The following LSAMP variants were observed in gnomAD, a reference collection of about 807,000 sequenced individuals.
LSAMP encodes limbic system associated membrane protein, also known as limbic system-associated membrane protein.
LSAMP carries 7 observed loss-of-function variants against 38.6 expected under a neutral mutation model. That is an observed-to-expected ratio of 0.18 (90% CI 0.10 to 0.34). LSAMP has a LOEUF of 0.34. Ranked by LOEUF, LSAMP falls within the 10% of genes least tolerant of loss-of-function variation. The pLI is 1.00. For missense variants in LSAMP, 313 were observed against 420.0 expected (o/e 0.75, Z 2.23); for synonymous variants, 154 against 166.8 (o/e 0.92, Z 0.59).
At chr3:116,146,483 G>C (rs748224295) in intron 1 of LSAMP, among the ~76,000 whole-genome samples, 1 of 151,856 alleles carries the variant, frequency 6.6e-6, no homozygotes, top group Admixed American at 6.6e-5. Flanking sequence ...TTGACAAAAA[G>C]CTCAATATGA....
intron 3 of LSAMP, among the ~76,000 whole-genome samples, chr3:115,912,522 A>T (rs999378990): frequency 6.6e-6 from 1 of 152,156 alleles, no homozygotes; most frequent in African/African-American, 2.4e-5. Flanking sequence ...AGGGGATATG[A>T]AAAGCTCAGC....
intron 3 of LSAMP, among the ~76,000 whole-genome samples, chr3:115,983,203 G>A (rs1939413758): frequency 3.9e-5 from 6 of 152,040 alleles, no homozygotes. Flanking sequence ...CATTTGACAT[G>A]GTATTTAGCC....
chr3:116,388,632 T>C (rs1405419572), intron 1 of LSAMP, among the ~76,000 whole-genome samples: 2 of 152,212 alleles, frequency 1.3e-5, no homozygotes, highest in African/African-American at 4.8e-5. Context: ...TTGGGGAAGA[T>C]TTGATTTTCA....
intron 3 of LSAMP, among the ~76,000 whole-genome samples, chr3:115,950,616 A>G (rs1938250919): frequency 6.6e-6 from 1 of 152,122 alleles, no homozygotes; most frequent in African/African-American, 2.4e-5. Flanking sequence ...ATGGAAATAT[A>G]TCCCATGTTC....
intron 2 of LSAMP, among the ~76,000 whole-genome samples, chr3:116,080,823 G>A (rs1185151862): frequency 3.6e-4 from 1 of 2,740 alleles, no homozygotes; most frequent in East Asian, 0.042. Flanking sequence ...TTCACACTAA[G>A]AACAAATCTA....
chr3:115,867,419 A>C (rs1935892473), intron 3 of LSAMP, among the ~76,000 whole-genome samples: 1 of 152,114 alleles, frequency 6.6e-6, no homozygotes, highest in South Asian at 2.1e-4. Context: ...TTCAAGATGA[A>C]AAAGTTAAGC....
At chr3:116,212,269 AG>A (rs2046167333) in intron 1 of LSAMP, among the ~76,000 whole-genome samples, 1 of 152,242 alleles carries the variant, frequency 6.6e-6, no homozygotes, top group South Asian at 2.1e-4. Flanking sequence ...CAAGTGATTC[AG>A]GAGTAATAAA....
At chr3:116,063,194 AT>A (rs2107360174) in intron 2 of LSAMP, among the ~76,000 whole-genome samples, 1 of 152,182 alleles carries the variant, frequency 6.6e-6, no homozygotes, top group African/African-American at 2.4e-5. Flanking sequence ...CTGGATATCT[AT>A]TTATGGTGTC....
chr3:116,008,773 A>G (rs1022298839), intron 3 of LSAMP, among the ~76,000 whole-genome samples: 1 of 152,112 alleles, frequency 6.6e-6, no homozygotes, highest in Non-Finnish European at 1.5e-5. Context: ...ATTGGTAGGA[A>G]CGTGGGGAAA....
At chr3:115,900,907 C>A (rs1337136953) in intron 3 of LSAMP, among the ~76,000 whole-genome samples, 3 of 152,142 alleles carry the variant, frequency 2.0e-5, no homozygotes, top group Admixed American at 6.6e-5. Context: ...GCAGCACAAA[C>A]AATTTTCTCA....
chr3:116,082,507 A>T (rs1434898266), intron 2 of LSAMP, among the ~76,000 whole-genome samples: 1 of 152,194 alleles, frequency 6.6e-6, no homozygotes, highest in Non-Finnish European at 1.5e-5. Flanking sequence ...AGTAAGCCAA[A>T]ATGTTGACTT....
intron 1 of LSAMP, among the ~76,000 whole-genome samples, chr3:116,394,792 GAC>G (rs1398089352): frequency 1.3e-5 from 2 of 152,152 alleles, no homozygotes; most frequent in African/African-American, 4.8e-5. Flanking sequence ...ATTGGTAGAA[GAC>G]ACAATCTCTC....
intron 3 of LSAMP, among the ~76,000 whole-genome samples, chr3:116,000,222 T>A (rs1396987484): frequency 2.0e-5 from 3 of 152,130 alleles, no homozygotes; most frequent in Admixed American, 2.0e-4. Context: ...ATTTATACAC[T>A]CCTTTGTAAG....
chr3:116,239,504 G>C (rs1307078724), intron 1 of LSAMP, among the ~76,000 whole-genome samples: 1 of 152,158 alleles, frequency 6.6e-6, no homozygotes, highest in South Asian at 2.1e-4. Context: ...GACAAAACAA[G>C]ATAGTATATT....
In LSAMP at chr3:115,851,220, T is replaced by G. The variant is rs183854276; in HGVS notation, c.649+1263A>C. Among the ~76,000 whole-genome samples, 886 of 152,238 alleles carry G rather than the reference T, an allele frequency of 5.8e-3. 6 individuals carry two copies. The highest frequency in any genetic ancestry group is 0.034 in the Middle Eastern group (10 of 294). ...AACTCCTGACCTCAGGTGATCCGCC[T>G]GTCTCAGCCTCCCCAAGTGCTGGGA... On this transcript the variant is annotated intron_variant, in intron 4 of 6. Transcript: ENST00000490035.
At chr3:115,907,940 C>T (rs1418270783) in intron 3 of LSAMP, among the ~76,000 whole-genome samples, 1 of 151,928 alleles carries the variant, frequency 6.6e-6, no homozygotes, top group Non-Finnish European at 1.5e-5. Flanking sequence ...GCAACATAGC[C>T]CCATCTCATG....
intron 3 of LSAMP, among the ~76,000 whole-genome samples, chr3:115,989,809 T>C (rs1260686534): frequency 1.3e-5 from 2 of 152,074 alleles, no homozygotes; most frequent in Non-Finnish European, 2.9e-5. Flanking sequence ...TTTTAGCCAT[T>C]GCTATTATTA....
chr3:115,813,204 TTCAG>T (rs1344977618), intron 6 of LSAMP, among the ~76,000 whole-genome samples: 1 of 152,132 alleles, frequency 6.6e-6, no homozygotes, highest in Non-Finnish European at 1.5e-5. Context: ...TACATTACAT[TTCAG>T]TCAAAGATGA....
chr3:115,962,660 A>G (rs1485203563), intron 3 of LSAMP, among the ~76,000 whole-genome samples: 1 of 152,224 alleles, frequency 6.6e-6, no homozygotes, highest in African/African-American at 2.4e-5. Context: ...CTGTTTATTC[A>G]CTTTTCAACT....
Sources: allele counts gnomAD v4.1 joint callset (sites outside exome capture counted in the v4.1 genomes callset), GRCh38; gene constraint gnomAD v4.1.1; transcripts MANE v1.5; gene names NCBI Gene and HGNC (gene_info 2026-07-23, HGNC 2026-07-21).